The following SLCO3A1 variants were observed in gnomAD, a reference collection of about 807,000 sequenced individuals.
SLCO3A1 encodes PGE1 transporter.
Under a neutral mutation model 63.1 loss-of-function variants are expected in SLCO3A1, and 27 were observed. That is an observed-to-expected ratio of 0.43 (90% CI 0.32 to 0.59). The LOEUF (loss-of-function observed/expected upper bound fraction) is 0.59. SLCO3A1 is among the 20% of genes least tolerant of loss of function. The pLI, the probability that SLCO3A1 is intolerant of heterozygous loss-of-function variation, is 0.09. For synonymous variants in SLCO3A1, 473 were observed against 409.9 expected (o/e 1.15, Z -1.86); for missense variants, 773 against 945.8 (o/e 0.82, Z 2.40).
At chr15:91,870,092 G>A (rs1483949501) in intron 1 of SLCO3A1, among the ~76,000 whole-genome samples, 2 of 152,200 alleles carry the variant, frequency 1.3e-5, no homozygotes, top group African/African-American at 2.4e-5. Context: ...AGTTAGAAGA[G>A]CAGATGCTTT....
chr15:92,075,764 A>G (rs1251337803), intron 2 of SLCO3A1, among the ~76,000 whole-genome samples: 6 of 152,216 alleles, frequency 3.9e-5, no homozygotes, highest in East Asian at 1.9e-4. Context: ...CAAGACCTCC[A>G]TCCTGCTCCA....
intron 2 of SLCO3A1, among the ~76,000 whole-genome samples, chr15:92,040,321 G>C (rs1405481359): frequency 6.6e-6 from 1 of 152,146 alleles, no homozygotes; most frequent in Non-Finnish European, 1.5e-5. Flanking sequence ...AGAAAAATTT[G>C]GAATGTCTAT....
intron 2 of SLCO3A1, among the ~76,000 whole-genome samples, chr15:91,919,306 T>C (rs1421150545): frequency 6.6e-6 from 1 of 152,248 alleles, no homozygotes. Context: ...CTGGATGGGC[T>C]ATTCACAAGG....
At chr15:91,888,540 T>C (rs1328799387) in intron 1 of SLCO3A1, among the ~76,000 whole-genome samples, 2 of 152,046 alleles carry the variant, frequency 1.3e-5, no homozygotes, top group African/African-American at 4.8e-5. Flanking sequence ...AGAATAGTCC[T>C]AGGCATATGA....
At chr15:92,118,604 C>T (rs903893979) in intron 4 of SLCO3A1, among the ~76,000 whole-genome samples, 15 of 152,166 alleles carry the variant, frequency 9.9e-5, no homozygotes, top group African/African-American at 2.4e-5. Context: ...TCATCTCCTA[C>T]GAGATGAGAT....
At chr15:92,139,131 T>C (rs2151578985) in intron 7 of SLCO3A1, among the ~76,000 whole-genome samples, 2 of 151,290 alleles carry the variant, frequency 1.3e-5, no homozygotes, top group African/African-American at 4.9e-5. Flanking sequence ...ATAGCTCTTA[T>C]TATTTTGAAA....
chr15:92,000,752 G>T (rs1406477025), intron 2 of SLCO3A1, among the ~76,000 whole-genome samples: 1 of 152,222 alleles, frequency 6.6e-6, no homozygotes, highest in Non-Finnish European at 1.5e-5. Flanking sequence ...TCTCTTAGCA[G>T]AGAACGTTCT....
downstream of SLCO3A1, among the ~76,000 whole-genome samples, chr15:92,169,687 A>G (rs563623908): frequency 6.6e-6 from 1 of 152,332 alleles, no homozygotes; most frequent in South Asian, 2.1e-4. Flanking sequence ...GATACCTGCC[A>G]TGCCTGGCAC....
intron 2 of SLCO3A1, among the ~76,000 whole-genome samples, chr15:92,067,133 G>A (rs186296547): frequency 6.6e-6 from 1 of 152,316 alleles, no homozygotes; most frequent in African/African-American, 2.4e-5. Flanking sequence ...TGTTTTTGCA[G>A]GCCATCATGC....
chr15:92,141,035 C>A (rs561382552), intron 7 of SLCO3A1, among the ~76,000 whole-genome samples: 7 of 152,274 alleles, frequency 4.6e-5, no homozygotes, highest in Non-Finnish European at 5.9e-5. Flanking sequence ...GCCTGTTCCC[C>A]CTGTCCTCCG....
chr15:92,043,848 G>A (rs1236756874), intron 2 of SLCO3A1, among the ~76,000 whole-genome samples: 1 of 152,064 alleles, frequency 6.6e-6, no homozygotes, highest in Non-Finnish European at 1.5e-5. Flanking sequence ...ATCGGTCCAG[G>A]GGAACTCAGG....
chr15:91,957,160 T>TAATATATATA (rs1491136521), intron 2 of SLCO3A1, among the ~76,000 whole-genome samples: 1 of 11,486 alleles, frequency 8.7e-5, no homozygotes, highest in African/African-American at 1.2e-3. Flanking sequence ...TATATATATA[T>TAATATATATA]TTTTTTTTTT....
intron 2 of SLCO3A1, among the ~76,000 whole-genome samples, chr15:91,937,811 GTTTT>G (rs1899469419): frequency 6.6e-6 from 1 of 151,968 alleles, no homozygotes; most frequent in African/African-American, 2.4e-5. Context: ...GTTATGCAAA[GTTTT>G]AATTTGAGAC....
At chr15:92,037,622 GT>G (rs1289054272) in intron 2 of SLCO3A1, among the ~76,000 whole-genome samples, 2 of 152,072 alleles carry the variant, frequency 1.3e-5, no homozygotes, top group African/African-American at 4.8e-5. Flanking sequence ...ATAACACCAG[GT>G]TTGCATTACT....
rs563315142 is a variant in SLCO3A1, at chr15:92,104,964, G to A, written c.1009+422G>A. Among the ~76,000 whole-genome samples, 9 of 150,848 alleles carry A rather than the reference G, an allele frequency of 6.0e-5. No homozygotes were observed. In the East Asian group the frequency reaches 1.6e-3, roughly 26 times the overall value. ...TTTGAAAAGCCACCTCCAGCCGGGC[G>A]CGGTGGCTGTAATCCCAGCCACCGC... is the stretch of plus-strand genomic sequence containing the variant. On this transcript the variant is annotated intron_variant, in intron 4 of 9. Coordinates refer to ENST00000318445, the MANE Select transcript of SLCO3A1 (RefSeq NM_013272.4).
At chr15:91,889,349 C>T (rs1897813244) in intron 1 of SLCO3A1, 3 of 355,964 alleles carry the variant, frequency 8.4e-6, no homozygotes, top group Non-Finnish European at 1.1e-5. Flanking sequence ...CAGCACTTAT[C>T]CTAGCCCTTC....
At chr15:91,974,265 G>GTTGTTGTTGTTATTA (rs147991710) in intron 2 of SLCO3A1, among the ~76,000 whole-genome samples, 8,222 of 142,846 alleles carry the variant, frequency 0.058, 358 homozygotes, top group Non-Finnish European at 0.085. Flanking sequence ...TTTCATTATT[G>GTTGTTGTTGTTATTA]TTATTATTAT....
intron 2 of SLCO3A1, among the ~76,000 whole-genome samples, chr15:92,088,133 T>G (rs1364089253): frequency 6.6e-6 from 1 of 152,156 alleles, no homozygotes; most frequent in Non-Finnish European, 1.5e-5. Context: ...GGGCAAGCAA[T>G]TGCCAAGAAG....
chr15:91,959,542 C>T (rs1161443412), intron 2 of SLCO3A1, among the ~76,000 whole-genome samples: 1 of 151,752 alleles, frequency 6.6e-6, no homozygotes, highest in Non-Finnish European at 1.5e-5. Flanking sequence ...CAAGCCTGGC[C>T]AGCATGGTGA....
Sources: allele counts gnomAD v4.1 joint callset (sites outside exome capture counted in the v4.1 genomes callset), GRCh38; gene constraint gnomAD v4.1.1; transcripts MANE v1.5; gene names NCBI Gene and HGNC (gene_info 2026-07-23, HGNC 2026-07-21).